The following LRRC8A variants were observed in gnomAD, a reference collection of about 807,000 sequenced individuals.
The protein encoded by LRRC8A is leucine rich repeat containing 8 VRAC subunit A, also known as volume-regulated anion channel subunit LRRC8A.
A neutral mutation model predicts 52.5 loss-of-function variants in LRRC8A; 24 were observed. That is an observed-to-expected ratio of 0.46 (90% confidence interval 0.33 to 0.64). The LOEUF (loss-of-function observed/expected upper bound fraction) is 0.64, where lower values mean the gene tolerates loss of function less well. Among genes scored for constraint, LRRC8A ranks in the 30% least tolerant of loss-of-function variants. The probability of loss-of-function intolerance (pLI) is 0.02; values close to 1 mark genes in which losing one functional copy is unlikely to be tolerated. For missense variants in LRRC8A, 677 were observed against 1,094.7 expected (o/e 0.62, Z 5.38); for synonymous variants, 492 against 494.2 (o/e 1.00, Z 0.06).
chr9:128,915,395 C>T (rs556827313), intron 3 of LRRC8A, among the ~76,000 whole-genome samples: 117 of 152,298 alleles, frequency 7.7e-4, no homozygotes, highest in Non-Finnish European at 8.2e-4. Context: ...GGCGCGATGT[C>T]GGCTCTGCAA....
Position 128,908,682 on chromosome 9 carries a change from G to C in LRRC8A, c.1518G>C (p.Lys506Asn). Reference sequence around the variant, plus strand: ...TGCACATCAAGTTCACCGACATCAAGGAGATCCCGCTGTGGATCTATAGCC... The same window carrying C: ...TGCACATCAAGTTCACCGACATCAACGAGATCCCGCTGTGGATCTATAGCC... The part of the protein sequence containing the change: ...RALHIKFTDI[K>N]EIPLWIYSLK... Residue 506 changes from lysine to asparagine, a missense_variant, in exon 3 of 4, where the codon AAG becomes AAC. Around this residue, in one of 4 missense-constraint regions of LRRC8A, gnomAD observed 422 missense variants for 741.5 expected, o/e 0.57. Coordinates refer to ENST00000372600, the MANE Select transcript of LRRC8A (RefSeq NM_019594.4). 1 of 1,612,984 alleles carries C rather than the reference G, an allele frequency of 6.2e-7. No individual in the cohort carries two copies. Among genetic ancestry groups the C allele is most frequent in the South Asian group, 1.1e-5 (1 of 91,082 alleles).
chr9:128,888,492 G>C (rs1418499154), intron 2 of LRRC8A, among the ~76,000 whole-genome samples: 4 of 152,152 alleles, frequency 2.6e-5, no homozygotes. Context: ...GCTGTATCTG[G>C]AGGAAGTGTT....
intron 2 of LRRC8A, among the ~76,000 whole-genome samples, chr9:128,897,630 C>T (rs1839868125): frequency 6.6e-6 from 1 of 151,948 alleles, no homozygotes; most frequent in Non-Finnish European, 1.5e-5. Context: ...CTGCAGTCTC[C>T]GCCTCCTGGG....
chr9:128,896,176 A>G (rs1282225622), intron 2 of LRRC8A, among the ~76,000 whole-genome samples: 2 of 152,198 alleles, frequency 1.3e-5, no homozygotes, highest in East Asian at 1.9e-4. Flanking sequence ...CTTATATAAC[A>G]TATGCATCAT....
Position 128,911,095 on chromosome 9 carries a change from A to G in LRRC8A, c.2157+1774A>G, listed in dbSNP as rs537649382. Among the ~76,000 whole-genome samples the G allele has an allele frequency of 6.6e-6, 1 of 151,764 alleles. No homozygotes were observed. The highest frequency in any genetic ancestry group is 2.4e-5 in the African/African-American group (1 of 41,284). On this transcript the variant is annotated intron_variant, in intron 3 of 3. Transcript: ENST00000372600. This position sits in a 1 kb window ranked among gnomAD's most constrained non-coding sequence, Gnocchi z 4.9. ...GGCCCCTGGAATGCCCGGTCTGTCT[A>G]TAGTATCCTCAGGCACGGAGGGAGG...
At chr9:128,905,343 C>T (rs185716721) in intron 2 of LRRC8A, among the ~76,000 whole-genome samples, 1 of 152,276 alleles carries the variant, frequency 6.6e-6, no homozygotes, top group East Asian at 1.9e-4. Context: ...ACATCTAGTA[C>T]CTTATCCCTC....
At position 128,907,034 on chromosome 9, in the gene LRRC8A, C is replaced by T. The variant is rs1461241805; in HGVS notation, c.-8-123C>T. 2 of 865,206 alleles carry T rather than the reference C, an allele frequency of 2.3e-6. No individual in the cohort carries two copies. Among genetic ancestry groups the T allele is most frequent in the East Asian group, 4.9e-5 (2 of 40,876 alleles). 53.6% of individuals were successfully genotyped at this position (865,206 alleles called of 1,614,324 possible). On this transcript the variant is annotated intron_variant, in intron 2 of 3. Transcript: ENST00000372600. This position sits in a 1 kb window ranked among gnomAD's most constrained non-coding sequence, Gnocchi z 9.3. Reference sequence around the variant, plus strand: ...CGTGGAGTAGGCAGGCTTTGGCTCCCAGCTAGATTTGAGGTGGAATTTTGG... The same window carrying T: ...CGTGGAGTAGGCAGGCTTTGGCTCCTAGCTAGATTTGAGGTGGAATTTTGG...
In LRRC8A at chr9:128,908,294, A is replaced by C. The variant is rs1466444860; in HGVS notation, c.1130A>C (p.His377Pro). The change falls in exon 3 of 4, where the codon CAC becomes CCC. Residue 377 changes from histidine (H) to proline (P), a missense_variant. Coordinates refer to ENST00000372600, the MANE Select transcript of LRRC8A (RefSeq NM_019594.4). ...DVKNDFAFML[H>P]LIDQYDPLYS... ...AAGAACGACTTCGCCTTCATGCTGC[A>C]CCTCATTGACCAATACGACCCGCTC... 1 of 1,614,074 alleles carries C rather than the reference A, an allele frequency of 6.2e-7. No homozygotes were observed.
intron 1 of LRRC8A, chr9:128,882,770 C>T (rs1291655105): frequency 2.5e-6 from 1 of 398,966 alleles, no homozygotes; most frequent in East Asian, 3.6e-5. Flanking sequence ...CGGCTAGGCT[C>T]TTGGGGCCTT....
rs1041906710 is a variant in LRRC8A at position 128,917,502 on chromosome 9, G to C, written c.*1131G>C. On this transcript the variant is annotated 3_prime_UTR_variant, in exon 4 of 4. Coordinates refer to ENST00000372600, the MANE Select transcript of LRRC8A (RefSeq NM_019594.4). ...CCTCGTGCCTGCCCTGCCTCTCCAC[G>C]CACAGTGTTAAGGAGCCAAGAGGAG... The C allele has an allele frequency of 6.5e-6, 1 of 152,722 alleles. No homozygotes were observed. The highest frequency in any genetic ancestry group is 1.5e-5 in the Non-Finnish European group (1 of 68,112). 9.5% of individuals were successfully genotyped at this position (152,722 alleles called of 1,614,324 possible). A position where few individuals can be genotyped will look rare whatever the true frequency, so the allele number is the denominator to read the frequency against.
intron 1 of LRRC8A, among the ~76,000 whole-genome samples, chr9:128,883,868 G>A (rs1351666828): frequency 6.6e-6 from 1 of 152,154 alleles, no homozygotes; most frequent in Non-Finnish European, 1.5e-5. Context: ...CAGCTATTCG[G>A]GAGGCTGAGG....
chr9:128,890,394 A>C (rs1400246456), intron 2 of LRRC8A, among the ~76,000 whole-genome samples: 1 of 152,184 alleles, frequency 6.6e-6, no homozygotes, highest in African/African-American at 2.4e-5. Context: ...CGCCTAGAGC[A>C]ATGTTCCAGT....
At chr9:128,894,787 T>C (rs866837466) in intron 2 of LRRC8A, among the ~76,000 whole-genome samples, 35 of 43,896 alleles carry the variant, frequency 8.0e-4, no homozygotes, top group African/African-American at 3.2e-3. Flanking sequence ...AGTGAGACTC[T>C]ACCTCAAAAA....
Position 128,908,053 on chromosome 9 carries a change from G to C in LRRC8A, c.889G>C (p.Val297Leu). Residue 297 changes from valine (V) to leucine (L), a missense_variant, in exon 3 of 4, where the codon GTG becomes CTG. This residue lies in a region of LRRC8A where 422 missense variants were observed against 741.5 expected (regional missense o/e 0.57). Coordinates refer to ENST00000372600, the MANE Select transcript of LRRC8A (RefSeq NM_019594.4). ...HNIKFDVDCT[V>L]DIESLTGYRT... ...CATCAAGTTCGACGTGGACTGCACCGTGGACATTGAGAGCCTGACGGGCTA... is the reference window on the plus strand; with the variant it reads ...CATCAAGTTCGACGTGGACTGCACCCTGGACATTGAGAGCCTGACGGGCTA... 1.2e-6 allele frequency: 2 copies of C among 1,614,072 alleles called. No homozygotes were observed. The highest frequency in any genetic ancestry group is 1.7e-6 in the Non-Finnish European group (2 of 1,180,020).
chr9:128,893,077 C>G (rs1249414941), intron 2 of LRRC8A, among the ~76,000 whole-genome samples: 1 of 152,256 alleles, frequency 6.6e-6, no homozygotes, highest in Middle Eastern at 3.4e-3. Context: ...TCCCTGTCTT[C>G]GAGAAGCATC....
In LRRC8A at chr9:128,916,517, C is replaced by T. The variant is rs1383846620; in HGVS notation, c.*146C>T. 2.0e-6 allele frequency: 2 copies of T among 1,013,724 alleles called. No homozygotes were observed. Among genetic ancestry groups the T allele is most frequent in the Non-Finnish European group, 2.8e-6 (2 of 713,678 alleles). 62.8% of individuals were successfully genotyped at this position (1,013,724 alleles called of 1,614,324 possible). ...GCCTGGGGCCGCTTGTGAGTCAGGC[C>T]AGAGCGAGAGGACAGTATCTGTGGG... is the stretch of plus-strand genomic sequence containing the variant. On this transcript the variant is annotated 3_prime_UTR_variant, in exon 4 of 4. Coordinates refer to ENST00000372600, the MANE Select transcript of LRRC8A (RefSeq NM_019594.4). This position sits in a 1 kb window ranked among gnomAD's most constrained non-coding sequence, Gnocchi z 6.1.
chr9:128,914,704 A>G (rs1236433494), intron 3 of LRRC8A, among the ~76,000 whole-genome samples: 2 of 152,234 alleles, frequency 1.3e-5, no homozygotes, highest in Admixed American at 6.5e-5. Flanking sequence ...ATCAAGGCCC[A>G]GGGCTCCTGG....
At chr9:128,891,128 C>T (rs889310628) in intron 2 of LRRC8A, among the ~76,000 whole-genome samples, 8 of 151,976 alleles carry the variant, frequency 5.3e-5, no homozygotes, top group Admixed American at 1.3e-4. Flanking sequence ...AAAAATCAGC[C>T]GGGTATGGTG....
chr9:128,900,545 C>T (rs756584237), intron 2 of LRRC8A, among the ~76,000 whole-genome samples: 5 of 151,756 alleles, frequency 3.3e-5, no homozygotes, highest in Non-Finnish European at 7.4e-5. Flanking sequence ...CCTGTCTCTA[C>T]TAAAATACAA....
Sources: gnomAD v4.1 joint callset for allele counts (sites outside exome capture counted in the v4.1 genomes callset) on GRCh38, gnomAD v4.1.1 for gene constraint, gnomAD v4.1.1 regional missense constraint, Gnocchi (gnomAD v3.1) non-coding constraint, MANE v1.5 for transcripts, NCBI Gene and HGNC (gene_info 2026-07-23, HGNC 2026-07-21) for gene names.